Variants in CDYL2 observed in about 807,000 individuals in gnomAD.
CDYL2 encodes the protein chromodomain Y-like protein 2.
CDYL2 carries 23 observed loss-of-function variants against 49.4 expected under a neutral mutation model. That is an observed-to-expected ratio of 0.47 (90% CI 0.34 to 0.66). The LOEUF is 0.66. Ranked by LOEUF, CDYL2 falls within the 30% of genes least tolerant of loss-of-function variation. The pLI is 0.01. For missense variants in CDYL2, 678 were observed against 656.4 expected (o/e 1.03, Z -0.36); for synonymous variants, 360 against 268.8 (o/e 1.34, Z -3.32).
chr16:80,760,197 A>T (rs1351313547), intron 1 of CDYL2, among the ~76,000 whole-genome samples: 1 of 152,184 alleles, frequency 6.6e-6, no homozygotes, highest in Non-Finnish European at 1.5e-5. Context: ...GGCAAGGCAC[A>T]CCTCAACTAG....
At chr16:80,747,817 T>C (rs1905985315) in intron 1 of CDYL2, among the ~76,000 whole-genome samples, 1 of 152,110 alleles carries the variant, frequency 6.6e-6, no homozygotes, top group Non-Finnish European at 1.5e-5. Flanking sequence ...CACACACCTA[T>C]TTATGGCTTC....
chr16:80,669,345 C>T (rs561595780), intron 2 of CDYL2, among the ~76,000 whole-genome samples: 20 of 152,156 alleles, frequency 1.3e-4, no homozygotes, highest in Non-Finnish European at 2.4e-4. Flanking sequence ...CTCAGAGGCC[C>T]CACGGACCAT....
chr16:80,801,704 G>T (rs932491138), intron 1 of CDYL2, among the ~76,000 whole-genome samples: 6 of 152,046 alleles, frequency 3.9e-5, no homozygotes, highest in Admixed American at 6.5e-5. Context: ...TTCCTTTCAA[G>T]GCCAGTCAAC....
chr16:80,718,507 C>T (rs978997419), intron 1 of CDYL2, among the ~76,000 whole-genome samples: 2 of 152,220 alleles, frequency 1.3e-5, no homozygotes, highest in East Asian at 1.9e-4. Flanking sequence ...AGCCTGCCCA[C>T]TCTGATGCCT....
chr16:80,638,594 A>G (rs1907944609), intron 2 of CDYL2, among the ~76,000 whole-genome samples: 2 of 151,044 alleles, frequency 1.3e-5, no homozygotes, highest in Admixed American at 1.3e-4. Context: ...TAAAGTAATC[A>G]AGACAGCGTG....
chr16:80,727,239 C>T (rs553133783), intron 1 of CDYL2, among the ~76,000 whole-genome samples: 16 of 152,224 alleles, frequency 1.1e-4, no homozygotes, highest in East Asian at 3.9e-4. Context: ...ACTGGGTGCA[C>T]GCACCGTGCC....
intron 3 of CDYL2, among the ~76,000 whole-genome samples, chr16:80,631,511 G>A (rs1907560837): frequency 6.6e-6 from 1 of 152,138 alleles, no homozygotes; most frequent in African/African-American, 2.4e-5. Context: ...ACATAAGCAT[G>A]ATTAATATTT....
At chr16:80,761,660 C>G (rs1327826307) in intron 1 of CDYL2, among the ~76,000 whole-genome samples, 2 of 151,346 alleles carry the variant, frequency 1.3e-5, no homozygotes, top group African/African-American at 4.9e-5. Flanking sequence ...ATAGGAGCCC[C>G]CAGGTGACTT....
intron 1 of CDYL2, among the ~76,000 whole-genome samples, chr16:80,770,816 A>AT (rs766502452): frequency 1.3e-5 from 2 of 152,332 alleles, no homozygotes; most frequent in African/African-American, 4.8e-5. Context: ...ACCACTAAAG[A>AT]TTTTGTCTCA....
At chr16:80,713,433 C>A (rs187779453) in intron 1 of CDYL2, among the ~76,000 whole-genome samples, 1 of 152,224 alleles carries the variant, frequency 6.6e-6, no homozygotes, top group Admixed American at 6.5e-5. Flanking sequence ...TGCACTGTCA[C>A]CACAGCCATA....
At chr16:80,667,065 G>A (rs942110755) in intron 2 of CDYL2, among the ~76,000 whole-genome samples, 6 of 152,128 alleles carry the variant, frequency 3.9e-5, no homozygotes, top group African/African-American at 1.2e-4. Flanking sequence ...AAATAAAAAC[G>A]GAAACTGAGC....
intron 1 of CDYL2, among the ~76,000 whole-genome samples, chr16:80,726,812 G>T (rs1905177064): frequency 6.6e-6 from 1 of 152,152 alleles, no homozygotes; most frequent in African/African-American, 2.4e-5. Flanking sequence ...AAACAGCTAA[G>T]CATGGTGGCT....
intron 1 of CDYL2, among the ~76,000 whole-genome samples, chr16:80,726,038 A>T (rs1031570525): frequency 1.3e-5 from 2 of 152,226 alleles, no homozygotes; most frequent in African/African-American, 4.8e-5. Context: ...CTGAGTCACA[A>T]AAAGACAGTG....
At chr16:80,752,163 T>C (rs1906160065) in intron 1 of CDYL2, among the ~76,000 whole-genome samples, 1 of 152,094 alleles carries the variant, frequency 6.6e-6, no homozygotes, top group South Asian at 2.1e-4. Context: ...ACTCAATAGA[T>C]AAGTTTAACA....
chr16:80,682,588 G>A (rs1264881122), intron 2 of CDYL2, among the ~76,000 whole-genome samples: 1 of 152,190 alleles, frequency 6.6e-6, no homozygotes, highest in African/African-American at 2.4e-5. Context: ...GCTACAGTCA[G>A]CAAATCTTCC....
chr16:80,781,623 T>C (rs902040963), intron 1 of CDYL2, among the ~76,000 whole-genome samples: 2 of 152,128 alleles, frequency 1.3e-5, no homozygotes, highest in African/African-American at 4.8e-5. Context: ...CTGAATAGAC[T>C]ACATGTTGGG....
rs762251929 is a variant in CDYL2 at position 80,604,693 on chromosome 16, G to A, written c.1363-147C>T. ...CCAGCCTGGGCCTTCCCAGTCCCAT[G>A]TTTCCAGCACGGCCATGAATGGATC... On this transcript the variant is annotated intron_variant, in intron 6 of 6. Coordinates refer to ENST00000570137, the MANE Select transcript of CDYL2 (RefSeq NM_152342.4). The A allele has an allele frequency of 2.4e-4, 183 of 770,210 alleles. No individual in the cohort carries two copies. In the Middle Eastern group the frequency reaches 4.4e-3, roughly 19 times the overall value. The allele number at this position is 770,210 out of a possible 1,614,324, so 47.7% of individuals were successfully genotyped here.
intron 2 of CDYL2, among the ~76,000 whole-genome samples, chr16:80,649,630 GGAACTGT>G (rs1280105263): frequency 6.6e-6 from 1 of 152,052 alleles, no homozygotes; most frequent in Non-Finnish European, 1.5e-5. Context: ...AAATTTATAT[GGAACTGT>G]GAAAGACCCA....
At position 80,612,737 on chromosome 16, in the gene CDYL2, G is replaced by A; in HGVS notation, c.1107C>T (p.Asp369=). The A allele has an allele frequency of 1.9e-6, 3 of 1,613,762 alleles. No individual in the cohort carries two copies. The highest frequency in any genetic ancestry group is 2.5e-6 in the Non-Finnish European group (3 of 1,179,990). ...AGGCCTTCTCACTGGCCCACACGAT[G>A]TCACAGAGGGGCAGGATGGAGGCAC... ...GLGASILPLC[D]IVWASEKAWF... is the part of the protein sequence containing the mutation. Residue 369 remains aspartate (D), a synonymous_variant, in exon 5 of 7, where the codon GAC becomes GAT. Transcript: ENST00000570137. This position sits in a 1 kb window ranked among gnomAD's most constrained non-coding sequence, Gnocchi z 5.0.
Sources: allele counts gnomAD v4.1 joint callset (sites outside exome capture counted in the v4.1 genomes callset), GRCh38; gene constraint gnomAD v4.1.1; non-coding constraint Gnocchi (gnomAD v3.1); transcripts MANE v1.5; gene names NCBI Gene and HGNC (gene_info 2026-07-23, HGNC 2026-07-21).